TCF7L1: variants seen among roughly 807,000 people sequenced by gnomAD.
TCF7L1 encodes transcription factor 7-like 1.
A neutral mutation model predicts 63.7 loss-of-function variants in TCF7L1; 18 were observed. The observed-to-expected ratio is 0.28, with a 90% CI of 0.20 to 0.42. TCF7L1 has a LOEUF of 0.42. Ranked by LOEUF, TCF7L1 falls within the 10% of genes least tolerant of loss-of-function variation. The pLI is 1.00. For missense variants in TCF7L1, 654 were observed against 779.3 expected (o/e 0.84, Z 1.91); for synonymous variants, 355 against 340.9 (o/e 1.04, Z -0.46).
At chr2:85,157,078 A>G (rs529568012) in intron 3 of TCF7L1, among the ~76,000 whole-genome samples, 2 of 152,318 alleles carry the variant, frequency 1.3e-5, no homozygotes, top group South Asian at 4.1e-4. Flanking sequence ...TACACATATT[A>G]TATATACACA....
chr2:85,244,363 A>G (rs1432459059), intron 3 of TCF7L1, among the ~76,000 whole-genome samples: 1 of 152,232 alleles, frequency 6.6e-6, no homozygotes, highest in African/African-American at 2.4e-5. Flanking sequence ...TCATAGACCG[A>G]AGGGGTCAAG....
At position 85,301,805 on chromosome 2, in the gene TCF7L1, A is replaced by G. The variant is rs1681984069; in HGVS notation, c.526-679A>G. Reference sequence around the variant, plus strand: ...CTTGAACCTGAGAGCAACTGTTTCTATGAAGTTTATTTGAAAAATGTGTGT... The same window carrying G: ...CTTGAACCTGAGAGCAACTGTTTCTGTGAAGTTTATTTGAAAAATGTGTGT... On this transcript the variant is annotated intron_variant, in intron 4 of 11. Transcript: ENST00000282111. 5.3e-5 allele frequency among the ~76,000 whole-genome samples: 8 copies of G among 152,266 alleles called. No individual in the cohort carries two copies. In the South Asian group the frequency reaches 8.3e-4, roughly 16 times the overall value.
intron 4 of TCF7L1, among the ~76,000 whole-genome samples, chr2:85,294,185 C>T (rs1350736642): frequency 1.3e-5 from 2 of 151,754 alleles, no homozygotes; most frequent in Non-Finnish European, 2.9e-5. Context: ...TACAGGCACC[C>T]GCCACCACGC....
intron 3 of TCF7L1, among the ~76,000 whole-genome samples, chr2:85,155,353 C>A (rs761169655): frequency 6.6e-6 from 1 of 152,214 alleles, no homozygotes; most frequent in Non-Finnish European, 1.5e-5. Context: ...CAGCAACGCT[C>A]TGTGGAAGCT....
intron 3 of TCF7L1, among the ~76,000 whole-genome samples, chr2:85,191,658 C>G (rs993151649): frequency 6.6e-6 from 1 of 152,066 alleles, no homozygotes; most frequent in African/African-American, 2.4e-5. Flanking sequence ...AACTCTGTCT[C>G]TACTAAAAAT....
In TCF7L1 at chr2:85,133,808, C is replaced by G; in HGVS notation, c.124C>G (p.Gln42Glu). Reference sequence around the variant, plus strand: ...GGCGAACGACGAGCTGATCCCCTTCCAGGACGAGGGGGGCGAGGAGCAGGA... The same window carrying G: ...GGCGAACGACGAGCTGATCCCCTTCGAGGACGAGGGGGGCGAGGAGCAGGA... ...LGANDELIPFQDEGGEEQEPS... is the reference protein window; with the variant it reads ...LGANDELIPFEDEGGEEQEPS... Residue 42 changes from glutamine (Q) to glutamate (E), a missense_variant, in exon 1 of 12, where the codon CAG becomes GAG. This residue lies in a region of TCF7L1 where 404 missense variants were observed against 454.8 expected (regional missense o/e 0.89). Transcript: ENST00000282111. The surrounding 1 kb of genome is among the most constrained non-coding windows in gnomAD (Gnocchi z 4.4). 6.9e-7 allele frequency: 1 copy of G among 1,458,014 alleles called. No individual in the cohort carries two copies. The highest frequency in any genetic ancestry group is 9.1e-7 in the Non-Finnish European group (1 of 1,101,668). 90.3% of individuals were successfully genotyped at this position (1,458,014 alleles called of 1,614,324 possible).
chr2:85,206,762 C>T (rs998503349), intron 3 of TCF7L1, among the ~76,000 whole-genome samples: 3 of 152,078 alleles, frequency 2.0e-5, no homozygotes, highest in Admixed American at 6.5e-5. Context: ...ATAAAGAGAG[C>T]CTCATTTAAT....
intron 3 of TCF7L1, among the ~76,000 whole-genome samples, chr2:85,271,787 G>T (rs986475141): frequency 2.6e-5 from 4 of 152,190 alleles, no homozygotes; most frequent in Admixed American, 6.5e-5. Context: ...TGATCATCTG[G>T]TAGGCAGTCC....
intron 3 of TCF7L1, among the ~76,000 whole-genome samples, chr2:85,261,500 A>G (rs887443316): frequency 2.0e-5 from 3 of 152,258 alleles, no homozygotes; most frequent in Admixed American, 2.0e-4. Context: ...ACCAGCAAGC[A>G]TGTGTCTTGA....
chr2:85,231,682 C>T (rs187236900), intron 3 of TCF7L1, among the ~76,000 whole-genome samples: 1 of 152,150 alleles, frequency 6.6e-6, no homozygotes, highest in Non-Finnish European at 1.5e-5. Flanking sequence ...GTTGTAAAAT[C>T]GACTCCCCCA....
intron 3 of TCF7L1, among the ~76,000 whole-genome samples, chr2:85,237,608 C>T (rs1375463467): frequency 1.3e-5 from 2 of 151,970 alleles, no homozygotes; most frequent in African/African-American, 4.8e-5. Context: ...GGCAGTGTTC[C>T]CTCTGCCCCA....
chr2:85,303,941 A>T lies in TCF7L1; in HGVS notation c.705A>T (p.Pro235=). ...PHPSELSPYY[P]LSPGAVGQIP... is the part of the protein sequence containing the mutation. ...CATCCGAGCTGTCACCGTATTACCC[A>T]CTCTCTCCCGGAGCTGTCGGACAAA... The change falls in exon 6 of 12, where the codon CCA becomes CCT. Residue 235 remains proline, a synonymous_variant. Coordinates refer to ENST00000282111, the MANE Select transcript of TCF7L1 (RefSeq NM_031283.3). The T allele has an allele frequency of 6.2e-7, 1 of 1,609,950 alleles. No individual in the cohort carries two copies. The highest frequency in any genetic ancestry group is 1.1e-5 in the South Asian group (1 of 90,840).
At chr2:85,271,830 A>G (rs1195299915) in intron 3 of TCF7L1, among the ~76,000 whole-genome samples, 3 of 152,206 alleles carry the variant, frequency 2.0e-5, no homozygotes, top group Non-Finnish European at 4.4e-5. Context: ...CTAGCTTTAA[A>G]CAGCACAGTT....
At chr2:85,254,096 C>T (rs576757371) in intron 3 of TCF7L1, among the ~76,000 whole-genome samples, 19 of 152,348 alleles carry the variant, frequency 1.2e-4, no homozygotes, top group Admixed American at 5.2e-4. Flanking sequence ...CAGCTGGGCA[C>T]GGGGCAGCTG....
chr2:85,138,868 TAA>T (rs997730479), intron 3 of TCF7L1, among the ~76,000 whole-genome samples: 1 of 152,040 alleles, frequency 6.6e-6, no homozygotes, highest in African/African-American at 2.4e-5. Context: ...AATTGGGAAA[TAA>T]AAAAGAGTAT....
At chr2:85,243,198 C>T (rs551764830) in intron 3 of TCF7L1, among the ~76,000 whole-genome samples, 24 of 152,266 alleles carry the variant, frequency 1.6e-4, no homozygotes, top group East Asian at 9.6e-4. Context: ...GGCTACTCCT[C>T]GGCGCCATTA....
At chr2:85,193,579 T>C (rs4374376) in intron 3 of TCF7L1, among the ~76,000 whole-genome samples, 10,035 of 152,282 alleles carry the variant, frequency 0.066, 496 homozygotes, top group African/African-American at 0.14. Context: ...TGGCAGCATT[T>C]GAATAAAGTC....
intron 8 of TCF7L1, 47 bp downstream of exon 8, chr2:85,305,450 G>A: frequency 6.4e-7 from 1 of 1,565,496 alleles, no homozygotes; most frequent in East Asian, 2.2e-5. Context: ...GCAGGCTGTG[G>A]GGAGGGGTGG....
At chr2:85,175,372 A>G (rs1678656545) in intron 3 of TCF7L1, among the ~76,000 whole-genome samples, 1 of 152,194 alleles carries the variant, frequency 6.6e-6, no homozygotes, top group South Asian at 2.1e-4. Flanking sequence ...CTTTCTGACC[A>G]TGCCTAGCTG....
Sources: gnomAD v4.1 joint callset for allele counts (sites outside exome capture counted in the v4.1 genomes callset) on GRCh38, gnomAD v4.1.1 for gene constraint, gnomAD v4.1.1 regional missense constraint, Gnocchi (gnomAD v3.1) non-coding constraint, MANE v1.5 for transcripts, NCBI Gene and HGNC (gene_info 2026-07-23, HGNC 2026-07-21) for gene names.